Variants in LIN7A observed in about 807,000 individuals in gnomAD.
LIN7A encodes protein lin-7 homolog A.
LIN7A carries 25 observed loss-of-function variants against 29.8 expected under a neutral mutation model. The observed-to-expected ratio is 0.84, with a 90% CI of 0.61 to 1.17. LIN7A has a LOEUF of 1.17. Ranked by LOEUF, LIN7A falls within the 50% of genes most tolerant of loss-of-function variation. The probability of loss-of-function intolerance (pLI) is 0.00; values close to 1 mark genes in which losing one functional copy is unlikely to be tolerated. For synonymous variants in LIN7A, 118 were observed against 107.5 expected, an observed-to-expected ratio of 1.10 and a Z score of -0.60; for missense variants, 239 against 287.0, an observed-to-expected ratio of 0.83 and a Z score of 1.21.
At chr12:80,824,647 A>G (rs1871971440) in intron 4 of LIN7A, among the ~76,000 whole-genome samples, 1 of 152,234 alleles carries the variant, frequency 6.6e-6, no homozygotes, top group Non-Finnish European at 1.5e-5. Flanking sequence ...CCAACAACAT[A>G]TCAAAAAGAT....
intron 2 of LIN7A, among the ~76,000 whole-genome samples, chr12:80,878,256 TACAA>T (rs1353382557): frequency 1.3e-5 from 2 of 152,188 alleles, no homozygotes; most frequent in African/African-American, 4.8e-5. Context: ...AAGTTGATGT[TACAA>T]ACACTCTCTA....
rs914982277 is a variant in LIN7A at position 80,794,906 on chromosome 12, A to G, written c.*2821T>C. The stretch of plus-strand genomic sequence containing the variant: ...AAACTCTTTTACTGAACTGTGCTCT[A>G]TGTATTTGCCTTCAAAATCATAGCA... On this transcript the variant is annotated 3_prime_UTR_variant, in exon 6 of 6. Transcript: ENST00000552864. 1 of 152,170 alleles carries G rather than the reference A, an allele frequency of 6.6e-6. No homozygotes were observed. The highest frequency in any genetic ancestry group is 1.9e-4 in the East Asian group (1 of 5,190). 9.4% of individuals were successfully genotyped at this position (152,170 alleles called of 1,614,324 possible).
In LIN7A at chr12:80,807,080, T is replaced by G. The variant is rs866301229; in HGVS notation, c.*4385A>C. 3.8e-3 allele frequency among the ~76,000 whole-genome samples: 513 copies of G among 134,722 alleles called. 20 individuals are homozygous for G. Among genetic ancestry groups the G allele is most frequent in the African/African-American group, 0.014 (482 of 35,364 alleles). The allele number at this position is 134,722 out of a possible 152,430, so 88.4% of individuals were successfully genotyped here. A position where few individuals can be genotyped will look rare whatever the true frequency, so the allele number is the denominator to read the frequency against. On this transcript the variant is annotated intron_variant, in intron 5 of 5. Transcript: ENST00000552864. ...AAGATGGAGTTTTTTTTTTTTTTTT[T>G]TTTTTTTTTTTGACGGAGTCTCGCT... is the stretch of plus-strand genomic sequence containing the variant.
chr12:80,913,454 A>G (rs1005796029), intron 1 of LIN7A, among the ~76,000 whole-genome samples: 3 of 152,188 alleles, frequency 2.0e-5, no homozygotes, highest in African/African-American at 7.2e-5. Context: ...TGTAGAAAAA[A>G]GTTAGATGTC....
At chr12:80,930,820 CTTTTG>C (rs760157177) in intron 1 of LIN7A, among the ~76,000 whole-genome samples, 16 of 152,108 alleles carry the variant, frequency 1.1e-4, no homozygotes, top group Non-Finnish European at 2.9e-5. Context: ...GGTTAGAAGG[CTTTTG>C]TTTTGTTTTG....
chr12:80,801,417 C>G (rs1218131581), intron 5 of LIN7A, among the ~76,000 whole-genome samples: 1 of 152,142 alleles, frequency 6.6e-6, no homozygotes, highest in Admixed American at 6.5e-5. Flanking sequence ...GCCCAGGAAG[C>G]AATGAATTTT....
At chr12:80,915,236 A>C (rs1254072397) in intron 1 of LIN7A, among the ~76,000 whole-genome samples, 1 of 152,198 alleles carries the variant, frequency 6.6e-6, no homozygotes, top group Non-Finnish European at 1.5e-5. Flanking sequence ...TCTCAAAAGA[A>C]GACATACAAG....
At chr12:80,831,430 G>C (rs1002388036) in intron 4 of LIN7A, among the ~76,000 whole-genome samples, 3 of 152,138 alleles carry the variant, frequency 2.0e-5, no homozygotes. Context: ...AATTGATAAT[G>C]CATCAGGGGA....
At chr12:80,835,748 A>G (rs1872567399) in intron 4 of LIN7A, among the ~76,000 whole-genome samples, 1 of 152,224 alleles carries the variant, frequency 6.6e-6, no homozygotes, top group Admixed American at 6.5e-5. Context: ...ATAGAGTCTC[A>G]AAGAGTAAAT....
intron 4 of LIN7A, among the ~76,000 whole-genome samples, chr12:80,816,627 A>G (rs997659169): frequency 6.6e-6 from 1 of 152,138 alleles, no homozygotes; most frequent in African/African-American, 2.4e-5. Context: ...GGAAGCTGGG[A>G]AAAAAATAGC....
chr12:80,911,487 A>G (rs893412084), intron 1 of LIN7A, among the ~76,000 whole-genome samples: 4 of 151,978 alleles, frequency 2.6e-5, no homozygotes, highest in African/African-American at 9.7e-5. Context: ...TATAAACAAG[A>G]CATTTAATCA....
chr12:80,832,544 A>G (rs1385688316), intron 4 of LIN7A: 1 of 482,856 alleles, frequency 2.1e-6, no homozygotes, highest in Non-Finnish European at 4.3e-6. Flanking sequence ...CTCCTCATTT[A>G]TTGAATCAGA....
At chr12:80,911,146 T>C (rs376014110) in intron 1 of LIN7A, among the ~76,000 whole-genome samples, 2 of 152,276 alleles carry the variant, frequency 1.3e-5, no homozygotes, top group South Asian at 2.1e-4. Context: ...CCTTGCTCAG[T>C]GCTATTCAGT....
chr12:80,817,479 G>T (rs926707641), intron 4 of LIN7A, among the ~76,000 whole-genome samples: 6 of 152,036 alleles, frequency 3.9e-5, no homozygotes, highest in African/African-American at 1.4e-4. Context: ...CACTTTGTTG[G>T]ACAACAAGAG....
intron 1 of LIN7A, among the ~76,000 whole-genome samples, chr12:80,930,993 C>T (rs1468567933): frequency 1.3e-5 from 2 of 152,154 alleles, no homozygotes; most frequent in Non-Finnish European, 2.9e-5. Flanking sequence ...GGTCTCTGAC[C>T]TGATGGAAAG....
intron 1 of LIN7A, among the ~76,000 whole-genome samples, chr12:80,913,681 T>C (rs1160824263): frequency 4.6e-5 from 7 of 152,180 alleles, no homozygotes. Context: ...ATATGCTGTG[T>C]TTATTAGGTT....
chr12:80,809,142 A>G (rs1871174143), intron 5 of LIN7A, among the ~76,000 whole-genome samples: 1 of 151,932 alleles, frequency 6.6e-6, no homozygotes, highest in African/African-American at 2.4e-5. Flanking sequence ...CTAATTTTTG[A>G]ATTTTAATAG....
At chr12:80,882,010 A>G (rs947597359) in intron 2 of LIN7A, among the ~76,000 whole-genome samples, 1 of 152,124 alleles carries the variant, frequency 6.6e-6, no homozygotes, top group Non-Finnish European at 1.5e-5. Context: ...GTCATCTAAC[A>G]AGGTATCCAG....
intron 2 of LIN7A, among the ~76,000 whole-genome samples, chr12:80,856,768 T>G (rs2121549673): frequency 6.6e-6 from 1 of 152,318 alleles, no homozygotes; most frequent in African/African-American, 2.4e-5. Context: ...AGCCTACTAC[T>G]TCAGTCGTAT....
Sources: allele counts gnomAD v4.1 joint callset (sites outside exome capture counted in the v4.1 genomes callset), GRCh38; gene constraint gnomAD v4.1.1; transcripts MANE v1.5; gene names NCBI Gene and HGNC (gene_info 2026-07-23, HGNC 2026-07-21).